Variants in TLN2 observed in about 807,000 individuals in gnomAD.
TLN2 encodes talin 2, also known as talin-2.
Under a neutral mutation model 294.7 loss-of-function variants are expected in TLN2, and 118 were observed. That is an observed-to-expected ratio of 0.40 (90% CI 0.34 to 0.47). The LOEUF (loss-of-function observed/expected upper bound fraction) is 0.47, where lower values mean the gene tolerates loss of function less well. Among genes scored for constraint, TLN2 ranks in the 20% least tolerant of loss-of-function variants. The pLI is 0.84. For missense variants in TLN2, 3,083 were observed against 3,282.2 expected, an observed-to-expected ratio of 0.94 and a Z score of 1.48; for synonymous variants, 1,431 against 1,304.5, an observed-to-expected ratio of 1.10 and a Z score of -2.09.
At chr15:62,812,054 T>TAAATAAAA (rs1205681210) in intron 52 of TLN2, among the ~76,000 whole-genome samples, 4 of 150,716 alleles carry the variant, frequency 2.7e-5, no homozygotes, top group African/African-American at 7.4e-5. Context: ...AATAAATAAA[T>TAAATAAAA]AAAATCTGCC....
chr15:62,736,844 T>A, intron 28 of TLN2, 34 bp from the exon 29 acceptor site: 1 of 1,605,978 alleles, frequency 6.2e-7, no homozygotes, highest in Non-Finnish European at 8.5e-7. Context: ...TTAGATGGAG[T>A]CTAATTGGAA....
At position 62,550,679 on chromosome 15, in the gene TLN2, G is replaced by T. The variant is rs1034412824; in HGVS notation, c.-237-39008G>T. On this transcript the variant is annotated intron_variant, in intron 1 of 58. Coordinates refer to ENST00000636159, the MANE Select transcript of TLN2 (RefSeq NM_015059.3). ...GGGCCTCTTTTCATAGAATTGTTAA[G>T]ACTTTGCAGGACATTTTAATTTCTT... 7.2e-5 allele frequency among the ~76,000 whole-genome samples: 11 copies of T among 152,138 alleles called. 1 individual carries two copies. Among genetic ancestry groups the T allele is most frequent in the African/African-American group, 2.4e-4 (10 of 41,418 alleles).
At chr15:62,506,700 G>A (rs1389298748) in intron 1 of TLN2, among the ~76,000 whole-genome samples, 3 of 152,222 alleles carry the variant, frequency 2.0e-5, no homozygotes, top group Non-Finnish European at 4.4e-5. Flanking sequence ...AGCAGGCGTT[G>A]CTCTGAAGTT....
chr15:62,433,186 T>A (rs2035102380), intron 1 of TLN2, among the ~76,000 whole-genome samples: 1 of 152,140 alleles, frequency 6.6e-6, no homozygotes, highest in Non-Finnish European at 1.5e-5. Context: ...CTGACAGGGC[T>A]CCAGCCTGGG....
chr15:62,531,317 T>C (rs1040280533), intron 1 of TLN2, among the ~76,000 whole-genome samples: 3 of 152,178 alleles, frequency 2.0e-5, no homozygotes, highest in African/African-American at 7.2e-5. Flanking sequence ...ATAAACCAGG[T>C]ACAGAAAAAC....
At chr15:62,604,632 G>A (rs2047275773) in intron 2 of TLN2, among the ~76,000 whole-genome samples, 1 of 151,250 alleles carries the variant, frequency 6.6e-6, no homozygotes, top group Admixed American at 6.6e-5. Flanking sequence ...GGTGTTGGTG[G>A]TTGCAGTGTG....
chr15:62,538,019 C>T (rs538925702), intron 1 of TLN2, among the ~76,000 whole-genome samples: 2 of 152,160 alleles, frequency 1.3e-5, no homozygotes, highest in South Asian at 2.1e-4. Context: ...GTCAGGAGTT[C>T]GAGACCAGCT....
chr15:62,492,543 CAAA>C (rs35935035), intron 1 of TLN2, among the ~76,000 whole-genome samples: 3 of 84,636 alleles, frequency 3.5e-5, no homozygotes, highest in Admixed American at 1.2e-4. Flanking sequence ...GACTCTGTCT[CAAA>C]AAAAAAAAAA....
chr15:62,498,911 G>A (rs1228315920), intron 1 of TLN2, among the ~76,000 whole-genome samples: 2 of 152,184 alleles, frequency 1.3e-5, no homozygotes, highest in African/African-American at 4.8e-5. Context: ...TATTGTTCTT[G>A]TTAAACAGAG....
intron 57 of TLN2, 106 bp downstream of exon 57, chr15:62,836,179 C>A: frequency 6.8e-7 from 1 of 1,467,400 alleles, no homozygotes. Flanking sequence ...GGCCTTCCAT[C>A]AGCCAGCCCT....
rs2058453446 is a variant in TLN2 at position 62,697,822 on chromosome 15, A to G, written c.1427A>G (p.Gln476Arg). 2 of 1,612,966 alleles carry G rather than the reference A, an allele frequency of 1.2e-6. No individual in the cohort carries two copies. Among genetic ancestry groups the G allele is most frequent in the Non-Finnish European group, 1.7e-6 (2 of 1,179,918 alleles). ...FNVGSMPSPQ[Q>R]QVMVGQMHRG... ...GTTGGCAGCATGCCCTCGCCACAGC[A>G]GCAGGTCATGGTTGGGCAGATGCAC... The change falls in exon 15 of 59, where the codon CAG becomes CGG. Residue 476 changes from glutamine (Q) to arginine (R), a missense_variant. By Grantham distance (43) the Gln-to-Arg change is conservative. Transcript: ENST00000636159.
chr15:62,614,657 T>A (rs527501657), intron 2 of TLN2, among the ~76,000 whole-genome samples: 2 of 152,354 alleles, frequency 1.3e-5, no homozygotes, highest in East Asian at 3.9e-4. Flanking sequence ...TTGTAATTTT[T>A]ATTGAGAAAA....
At chr15:62,489,782 C>T (rs763388733) in intron 1 of TLN2, among the ~76,000 whole-genome samples, 13 of 152,188 alleles carry the variant, frequency 8.5e-5, no homozygotes, top group South Asian at 2.1e-4. Context: ...GAAAGAAGTC[C>T]GCTGCCATAT....
intron 1 of TLN2, among the ~76,000 whole-genome samples, chr15:62,483,288 T>C (rs573640004): frequency 5.9e-5 from 9 of 152,320 alleles, no homozygotes; most frequent in Admixed American, 3.9e-4. Context: ...TATAAAAGGC[T>C]GATAAGATTC....
intron 3 of TLN2, among the ~76,000 whole-genome samples, chr15:62,646,569 A>G (rs1344778835): frequency 6.6e-6 from 1 of 152,172 alleles, no homozygotes; most frequent in Non-Finnish European, 1.5e-5. Context: ...TTGAGACCCC[A>G]ATCACGTGAA....
intron 6 of TLN2, 151 bp from the exon 7 acceptor site, chr15:62,653,011 T>C (rs2052773880): frequency 4.2e-6 from 2 of 478,534 alleles, no homozygotes; most frequent in Non-Finnish European, 7.0e-6. Flanking sequence ...TTCATTTAAT[T>C]TGATGTGGCC....
At chr15:62,756,883 T>A (rs1238997469) in intron 37 of TLN2, among the ~76,000 whole-genome samples, 2 of 145,022 alleles carry the variant, frequency 1.4e-5, no homozygotes. Flanking sequence ...CTTAGCTGTT[T>A]AAACAAAGAG....
chr15:62,622,373 A>G (rs1418505626), intron 3 of TLN2, among the ~76,000 whole-genome samples: 5 of 152,098 alleles, frequency 3.3e-5, no homozygotes, highest in Non-Finnish European at 7.4e-5. Flanking sequence ...CAGCCATGTA[A>G]TTGCAAATTT....
chr15:62,723,973 A>AC (rs2060297983), intron 26 of TLN2, among the ~76,000 whole-genome samples: 1 of 151,884 alleles, frequency 6.6e-6, no homozygotes, highest in South Asian at 2.1e-4. Flanking sequence ...ACATGGTGAA[A>AC]CCCCATCTCT....
Sources: gnomAD v4.1 joint callset for allele counts (sites outside exome capture counted in the v4.1 genomes callset) on GRCh38, gnomAD v4.1.1 for gene constraint, MANE v1.5 for transcripts, NCBI Gene and HGNC (gene_info 2026-07-23, HGNC 2026-07-21) for gene names.